The following KCNH7 variants were observed in gnomAD, a reference collection of about 807,000 sequenced individuals.
The protein encoded by KCNH7 is voltage-gated inwardly rectifying potassium channel KCNH7.
KCNH7 carries 49 observed loss-of-function variants against 120.8 expected under a neutral mutation model. The ratio of observed to expected loss-of-function variants is 0.41; its 90% CI spans 0.32 to 0.51. The LOEUF (loss-of-function observed/expected upper bound fraction) is 0.51, where lower values mean the gene tolerates loss of function less well. Ranked by LOEUF, KCNH7 falls within the 20% of genes least tolerant of loss-of-function variation. KCNH7 has a pLI of 0.38. For missense variants in KCNH7, 1,097 were observed against 1,446.6 expected, an observed-to-expected ratio of 0.76 and a Z score of 3.92; for synonymous variants, 547 against 516.1, an observed-to-expected ratio of 1.06 and a Z score of -0.81.
intron 2 of KCNH7, among the ~76,000 whole-genome samples, chr2:162,570,951 C>T (rs1331097570): frequency 6.6e-6 from 1 of 152,030 alleles, no homozygotes. Flanking sequence ...ACTGAATGGG[C>T]AAAAACTGGA....
chr2:162,617,307 G>A lies in KCNH7; in HGVS notation c.308-80227C>T, dbSNP rs184958348. On this transcript the variant is annotated intron_variant, in intron 2 of 15. Coordinates refer to ENST00000332142, the MANE Select transcript of KCNH7 (RefSeq NM_033272.4). ...ATCCTGACTAACACGATGAAACCCC[G>A]TCTCTACTAAAAATACAAAAAATTA... Among the ~76,000 whole-genome samples the A allele has an allele frequency of 6.6e-5, 10 of 151,952 alleles. No individual in the cohort carries two copies. The South Asian group carries it at 1.0e-3, about 16-fold the overall frequency.
At chr2:162,610,850 T>C (rs1403450599) in intron 2 of KCNH7, among the ~76,000 whole-genome samples, 1 of 152,164 alleles carries the variant, frequency 6.6e-6, no homozygotes, top group Non-Finnish European at 1.5e-5. Context: ...AGGTATTAAA[T>C]GATATCCCAA....
At chr2:162,754,015 A>C (rs1688703077) in intron 2 of KCNH7, among the ~76,000 whole-genome samples, 1 of 152,044 alleles carries the variant, frequency 6.6e-6, no homozygotes, top group South Asian at 2.1e-4. Context: ...ATATAAAAGC[A>C]TTTTGAACAA....
At chr2:162,557,528 A>G (rs1692900026) in intron 2 of KCNH7, among the ~76,000 whole-genome samples, 1 of 152,122 alleles carries the variant, frequency 6.6e-6, no homozygotes, top group Non-Finnish European at 1.5e-5. Flanking sequence ...ATGGTGGGAG[A>G]TATTGTTGCA....
At chr2:162,629,897 G>T (rs1406303858) in intron 2 of KCNH7, among the ~76,000 whole-genome samples, 1 of 152,054 alleles carries the variant, frequency 6.6e-6, no homozygotes, top group African/African-American at 2.4e-5. Flanking sequence ...CTAGAATTTA[G>T]ATTTACCCCC....
intron 2 of KCNH7, among the ~76,000 whole-genome samples, chr2:162,604,531 C>G (rs1471264399): frequency 1.3e-5 from 2 of 151,984 alleles, no homozygotes; most frequent in African/African-American, 4.8e-5. Context: ...ATTTGCATAT[C>G]AGATTTCCCA....
At chr2:162,631,902 A>G (rs1683781204) in intron 2 of KCNH7, among the ~76,000 whole-genome samples, 1 of 152,068 alleles carries the variant, frequency 6.6e-6, no homozygotes, top group South Asian at 2.1e-4. Flanking sequence ...AATTTAATGA[A>G]GATTATCTAC....
chr2:162,651,620 C>T (rs1430844498), intron 2 of KCNH7, among the ~76,000 whole-genome samples: 4 of 151,996 alleles, frequency 2.6e-5, no homozygotes, highest in Non-Finnish European at 4.4e-5. Context: ...GAATTTGTGT[C>T]GATTCCATGT....
chr2:162,697,032 G>T (rs1319222758), intron 2 of KCNH7, among the ~76,000 whole-genome samples: 3 of 152,082 alleles, frequency 2.0e-5, no homozygotes, highest in Non-Finnish European at 4.4e-5. Context: ...GATGGAGGGG[G>T]TCTCTTTATA....
chr2:162,465,178 G>A (rs895641203), intron 6 of KCNH7, among the ~76,000 whole-genome samples: 1 of 152,098 alleles, frequency 6.6e-6, no homozygotes, highest in Admixed American at 6.5e-5. Context: ...ACTGCTCTGA[G>A]ACCAGCATAT....
intron 2 of KCNH7, among the ~76,000 whole-genome samples, chr2:162,784,382 G>A (rs1432341381): frequency 6.6e-6 from 1 of 151,990 alleles, no homozygotes; most frequent in Non-Finnish European, 1.5e-5. Flanking sequence ...GTGGACCCTG[G>A]CATATTGACC....
chr2:162,432,933 T>G (rs1281097976), intron 8 of KCNH7, among the ~76,000 whole-genome samples: 1 of 152,032 alleles, frequency 6.6e-6, no homozygotes, highest in Non-Finnish European at 1.5e-5. Flanking sequence ...AAATGATAAA[T>G]GTCTTCAGTA....
At chr2:162,757,408 C>T (rs1347664380) in intron 2 of KCNH7, among the ~76,000 whole-genome samples, 1 of 152,114 alleles carries the variant, frequency 6.6e-6, no homozygotes, top group African/African-American at 2.4e-5. Context: ...TTTCCCTTTT[C>T]AAAATTGCAG....
chr2:162,826,118 A>C (rs1023276067), intron 2 of KCNH7, among the ~76,000 whole-genome samples: 6 of 152,098 alleles, frequency 3.9e-5, no homozygotes, highest in African/African-American at 1.4e-4. Flanking sequence ...TTACAATCTC[A>C]ACCCATGACC....
chr2:162,635,463 G>T (rs116311025), intron 2 of KCNH7, among the ~76,000 whole-genome samples: 423 of 152,062 alleles, frequency 2.8e-3, no homozygotes, highest in African/African-American at 0.01. Context: ...GATCTGGGGT[G>T]CTCTGAATTA....
At chr2:162,653,939 A>T (rs540593354) in intron 2 of KCNH7, among the ~76,000 whole-genome samples, 116 of 152,306 alleles carry the variant, frequency 7.6e-4, no homozygotes, top group African/African-American at 2.7e-3. Context: ...CTGGCCATCC[A>T]CATGCAGAAG....
intron 2 of KCNH7, among the ~76,000 whole-genome samples, chr2:162,800,183 A>G (rs567723713): frequency 6.6e-6 from 1 of 151,966 alleles, no homozygotes; most frequent in Admixed American, 6.6e-5. Context: ...AAACCCGGAT[A>G]GAAAAATAAC....
intron 2 of KCNH7, among the ~76,000 whole-genome samples, chr2:162,800,670 C>A (rs975419912): frequency 6.6e-6 from 1 of 151,912 alleles, no homozygotes; most frequent in African/African-American, 2.4e-5. Context: ...AAGAATATCA[C>A]ATGTTAAAAC....
At chr2:162,803,939 T>C (rs1439383093) in intron 2 of KCNH7, among the ~76,000 whole-genome samples, 1 of 151,630 alleles carries the variant, frequency 6.6e-6, no homozygotes, top group Non-Finnish European at 1.5e-5. Context: ...AATCAAGAAA[T>C]GTACTCCAAA....
Sources: gnomAD v4.1 joint callset for allele counts (sites outside exome capture counted in the v4.1 genomes callset) on GRCh38, gnomAD v4.1.1 for gene constraint, MANE v1.5 for transcripts, NCBI Gene and HGNC (gene_info 2026-07-23, HGNC 2026-07-21) for gene names.